The following NTHL1 variants were observed in gnomAD, a reference collection of about 807,000 sequenced individuals.
The protein encoded by NTHL1 is nth like DNA glycosylase 1, also known as endonuclease III-like protein 1.
A neutral mutation model predicts 32.3 loss-of-function variants in NTHL1; 32 were observed. The observed-to-expected ratio is 0.99, with a 90% confidence interval of 0.75 to 1.33. The LOEUF is 1.33. Among genes scored for constraint, NTHL1 ranks in the 40% most tolerant of loss-of-function variants. The pLI is 0.00. For synonymous variants in NTHL1, 188 were observed against 176.9 expected (o/e 1.06, Z -0.50); for missense variants, 501 against 414.1 (o/e 1.21, Z -1.82).
intron 2 of NTHL1, among the ~76,000 whole-genome samples, chr16:2,045,448 T>C (rs2084332521): frequency 6.6e-6 from 1 of 152,180 alleles, no homozygotes; most frequent in Admixed American, 6.5e-5. Flanking sequence ...AACAAATTTT[T>C]TTTTTTGAGA....
At position 2,043,872 on chromosome 16, in the gene NTHL1, G is replaced by A. The variant is rs779210371; in HGVS notation, c.526-146C>T. On this transcript the variant is annotated intron_variant, in intron 3 of 5. Coordinates refer to ENST00000651570, the MANE Select transcript of NTHL1 (RefSeq NM_002528.7). This position sits in a 1 kb window ranked among gnomAD's most constrained non-coding sequence, Gnocchi z 4.4. ...GCTCAGCCCCCGCCCCCCAGGAGGCGGGAACAAGCGGAGGGCAGCAGGGAG... is the reference window on the plus strand; with the variant it reads ...GCTCAGCCCCCGCCCCCCAGGAGGCAGGAACAAGCGGAGGGCAGCAGGGAG... 3.5e-5 allele frequency: 33 copies of A among 933,422 alleles called. 1 individual carries two copies. Among genetic ancestry groups the A allele is most frequent in the East Asian group, 1.0e-4 (4 of 38,184 alleles). 57.8% of individuals were successfully genotyped at this position (933,422 alleles called of 1,614,324 possible).
rs1424374494 is a variant in NTHL1, at chr16:2,044,759, G to T, written c.396C>A (p.Ser132Arg). Residue 132 changes from serine (S) to arginine (R), a missense_variant, in exon 3 of 6, where the codon AGC (serine) becomes AGA (arginine). Transcript: ENST00000651570. This position sits in a 1 kb window ranked among gnomAD's most constrained non-coding sequence, Gnocchi z 5.0. ...CCGCCGTCACCTGGTCTTTGGTTTG[G>T]CTGGAGAGCATCAGTGACAGCAGCA... ...YQVLLSLMLSSQTKDQVTAGA... is the reference protein window; with the variant it reads ...YQVLLSLMLSRQTKDQVTAGA... 1 of 1,611,948 alleles carries T rather than the reference G, an allele frequency of 6.2e-7. No individual in the cohort carries two copies. The highest frequency in any genetic ancestry group is 1.1e-5 in the South Asian group (1 of 90,984).
rs201515357 is a variant in NTHL1, at chr16:2,044,669, G to A, written c.486C>T (p.Ala162=). 166 of 1,610,530 alleles carry A rather than the reference G, an allele frequency of 1.0e-4. 2 individuals carry two copies. The East Asian group carries it at 3.6e-3, about 35-fold the overall frequency. The change falls in exon 3 of 6, where the codon GCC becomes GCT. Residue 162 remains alanine, a synonymous_variant. Coordinates refer to ENST00000651570, the MANE Select transcript of NTHL1 (RefSeq NM_002528.7). The surrounding 1 kb of genome is among the most constrained non-coding windows in gnomAD (Gnocchi z 5.0). ...TVDSILQTDD[A]TLGKLIYPVG... is the part of the protein sequence containing the mutation. ...CGGGGTAGATGAGCTTGCCCAGCGT[G>A]GCATCATCTGTCTGCAGGATGCTGT...
intron 4 of NTHL1, chr16:2,042,058 T>C (rs2084274444): frequency 2.2e-6 from 1 of 455,914 alleles, no homozygotes; most frequent in Admixed American, 2.4e-5. Flanking sequence ...CAGCCAGCTC[T>C]GACATTTTAA....
chr16:2,043,990 G>A lies in NTHL1; in HGVS notation c.526-264C>T. ...GGGGTTCCCCTGCCCGTCATTCCCT[G>A]CCAGCACCCAGGCCAGGCCAAGCAG... On this transcript the variant is annotated intron_variant, in intron 3 of 5. Coordinates refer to ENST00000651570, the MANE Select transcript of NTHL1 (RefSeq NM_002528.7). The surrounding 1 kb of genome is among the most constrained non-coding windows in gnomAD (Gnocchi z 4.4). 1.9e-6 allele frequency: 1 copy of A among 519,586 alleles called. No individual in the cohort carries two copies. Among genetic ancestry groups the A allele is most frequent in the Non-Finnish European group, 3.5e-6 (1 of 284,938 alleles). 32.2% of individuals were successfully genotyped at this position (519,586 alleles called of 1,614,324 possible). A position where few individuals can be genotyped will look rare whatever the true frequency, so the allele number is the denominator to read the frequency against.
Position 2,046,332 on chromosome 16 carries a change from C to T in NTHL1, c.150G>A (p.Pro50=), listed in dbSNP as rs545609149. The T allele has an allele frequency of 2.0e-5, 32 of 1,610,452 alleles. 1 individual carries two copies. Among genetic ancestry groups the T allele is most frequent in the African/African-American group, 1.6e-4 (12 of 75,006 alleles). ...ARKSHSPVKR[P]RKAQRLRVAY... Reference sequence around the variant, plus strand: ...CCACACGCAGTCTCTGTGCTTTCCGCGGACGCTTCACGGGGCTGTGGCTTT... The same window carrying T: ...CCACACGCAGTCTCTGTGCTTTCCGTGGACGCTTCACGGGGCTGTGGCTTT... Residue 50 remains proline, a synonymous_variant, in exon 2 of 6, where the codon CCG becomes CCA. Transcript: ENST00000651570.
At position 2,044,886 on chromosome 16, in the gene NTHL1, C is replaced by T. The variant is rs917049468; in HGVS notation, c.355-86G>A. 6.9e-7 allele frequency: 1 copy of T among 1,441,452 alleles called. No individual in the cohort carries two copies. The highest frequency in any genetic ancestry group is 9.3e-7 in the Non-Finnish European group (1 of 1,076,564). 89.3% of individuals were successfully genotyped at this position (1,441,452 alleles called of 1,614,324 possible). A position where few individuals can be genotyped will look rare whatever the true frequency, so the allele number is the denominator to read the frequency against. On this transcript the variant is annotated intron_variant, in intron 2 of 5. Transcript: ENST00000651570. The surrounding 1 kb of genome is among the most constrained non-coding windows in gnomAD (Gnocchi z 5.0). ...CTCCGCCCCCCGCCCTCGACACACC[C>T]TGGTTTGTTGCCCTGGGCCACACTT...
At chr16:2,040,882 G>C (rs560375409) in intron 4 of NTHL1, among the ~76,000 whole-genome samples, 5 of 152,192 alleles carry the variant, frequency 3.3e-5, no homozygotes, top group Non-Finnish European at 7.3e-5. Context: ...CAACAGCTCT[G>C]CCTGGCAGGC....
rs1056290046 is a variant in NTHL1 at position 2,047,742 on chromosome 16, G to T, written c.82C>A (p.Pro28Thr). ...GCCTCTCTTCTCCGGAGAGGCCCGGGCTCCTCCCTACACCCCCGCGGCCCA... is the reference window on the plus strand; with the variant it reads ...GCCTCTCTTCTCCGGAGAGGCCCGGTCTCCTCCCTACACCCCCGCGGCCCA... ...GAGPRGCREE[P>T]GPLRRREAAA... The change falls in exon 1 of 6, where the codon CCC becomes ACC. Residue 28 changes from proline to threonine, a missense_variant. Pro to Thr is a conservative substitution (Grantham distance 38). Coordinates refer to ENST00000651570, the MANE Select transcript of NTHL1 (RefSeq NM_002528.7). 3 of 1,585,554 alleles carry T rather than the reference G, an allele frequency of 1.9e-6. No individual in the cohort carries two copies. The highest frequency in any genetic ancestry group is 2.7e-5 in the African/African-American group (2 of 74,334).
intron 2 of NTHL1, among the ~76,000 whole-genome samples, chr16:2,045,855 C>T (rs952508923): frequency 6.6e-6 from 1 of 152,148 alleles, no homozygotes; most frequent in Non-Finnish European, 1.5e-5. Context: ...GCCCTGGGAC[C>T]GTGAAGCAAA....
Position 2,044,747 on chromosome 16 carries a change from G to A in NTHL1, c.408C>T (p.Asp136=), listed in dbSNP as rs1451036395. 5.6e-6 allele frequency: 9 copies of A among 1,612,242 alleles called. No homozygotes were observed. The highest frequency in any genetic ancestry group is 7.6e-6 in the Non-Finnish European group (9 of 1,179,594). Reference sequence around the variant, plus strand: ...GCTGCATGGCGCCCGCCGTCACCTGGTCTTTGGTTTGGCTGGAGAGCATCA... The same window carrying A: ...GCTGCATGGCGCCCGCCGTCACCTGATCTTTGGTTTGGCTGGAGAGCATCA... The part of the protein sequence containing the change: ...LSLMLSSQTK[D]QVTAGAMQRL... Residue 136 remains aspartate, a synonymous_variant, in exon 3 of 6, where the codon GAC becomes GAT. Transcript: ENST00000651570. The surrounding 1 kb of genome is among the most constrained non-coding windows in gnomAD (Gnocchi z 5.0).
chr16:2,047,805 T>G lies in NTHL1; in HGVS notation c.19A>C (p.Arg7=). The G allele has an allele frequency of 6.3e-7, 1 of 1,592,732 alleles. No homozygotes were observed. The highest frequency in any genetic ancestry group is 2.3e-5 in the East Asian group (1 of 44,222). ...AGGCTCCGGCTCCGGGTCAGCATCCTCGCGCTCAAGGCGGTCATGCCGGAC... is the reference window on the plus strand; with the variant it reads ...AGGCTCCGGCTCCGGGTCAGCATCCGCGCGCTCAAGGCGGTCATGCCGGAC... MTALSA[R]MLTRSRSLGP... Residue 7 remains arginine (R), a synonymous_variant, in exon 1 of 6, where the codon AGG becomes CGG. Transcript: ENST00000651570.
chr16:2,046,046 C>T, intron 2 of NTHL1, 82 bp downstream of exon 2: 1 of 1,227,646 alleles, frequency 8.1e-7, no homozygotes, highest in Non-Finnish European at 1.2e-6. Flanking sequence ...GGGAGGGTGC[C>T]AGCCAAAAGC....
At chr16:2,045,050 T>C (rs1316067937) in intron 2 of NTHL1, among the ~76,000 whole-genome samples, 1 of 152,152 alleles carries the variant, frequency 6.6e-6, no homozygotes, top group East Asian at 1.9e-4. Flanking sequence ...CTTAGAATCG[T>C]ATGTGGCCGG....
At chr16:2,045,970 G>A (rs2150943597) in intron 2 of NTHL1, among the ~76,000 whole-genome samples, 158 bp downstream of exon 2, 1 of 152,316 alleles carries the variant, frequency 6.6e-6, no homozygotes, top group Non-Finnish European at 1.5e-5. Context: ...CCTGCTGAGT[G>A]GCTACAGTGA....
At chr16:2,045,977 G>A (rs2084349907) in intron 2 of NTHL1, 151 bp downstream of exon 2, 1 of 695,156 alleles carries the variant, frequency 1.4e-6, no homozygotes, top group Non-Finnish European at 2.5e-6. Flanking sequence ...AGTGGCTACA[G>A]TGATGCAGGC....
intron 4 of NTHL1, chr16:2,041,926 T>C (rs1160209080): frequency 7.5e-6 from 3 of 402,622 alleles, no homozygotes; most frequent in African/African-American, 4.2e-5. Flanking sequence ...CTAATTTTTG[T>C]ATTTTTAGTA....
Position 2,044,397 on chromosome 16 carries a change from G to A in NTHL1, c.525+233C>T, listed in dbSNP as rs761431961. ...TGGCGGTGAGGAAGGGTGGGCAGGC[G>A]GCGAGGCGGGGAAGCAGAGGAAGGA... On this transcript the variant is annotated intron_variant, in intron 3 of 5. Transcript: ENST00000651570. The surrounding 1 kb of genome is among the most constrained non-coding windows in gnomAD (Gnocchi z 5.0). 1.3e-5 allele frequency among the ~76,000 whole-genome samples: 2 copies of A among 152,146 alleles called. No homozygotes were observed. Among genetic ancestry groups the A allele is most frequent in the South Asian group, 2.1e-4 (1 of 4,808 alleles).
chr16:2,041,412 G>C (rs2150939466), intron 4 of NTHL1, among the ~76,000 whole-genome samples: 1 of 152,262 alleles, frequency 6.6e-6, no homozygotes, highest in East Asian at 1.9e-4. Context: ...GTGCAGAGCT[G>C]GGACCGGAGC....
Sources: gnomAD v4.1 joint callset for allele counts (sites outside exome capture counted in the v4.1 genomes callset) on GRCh38, gnomAD v4.1.1 for gene constraint, Gnocchi (gnomAD v3.1) non-coding constraint, MANE v1.5 for transcripts, NCBI Gene and HGNC (gene_info 2026-07-23, HGNC 2026-07-21) for gene names.